Variants in PACRG observed in about 807,000 individuals in gnomAD.
PACRG encodes the protein parkin coregulated, also known as parkin coregulated gene protein.
In PACRG, 29 loss-of-function variants were observed where a neutral mutation model predicts 29.7. That is an observed-to-expected ratio of 0.98 (90% CI 0.73 to 1.33). The LOEUF is 1.33. Among genes scored for constraint, PACRG ranks in the 40% most tolerant of loss-of-function variants. The pLI, the probability that PACRG is intolerant of heterozygous loss-of-function variation, is 0.00. For missense variants in PACRG, 279 were observed against 316.2 expected (o/e 0.88, Z 0.89); for synonymous variants, 116 against 118.7 (o/e 0.98, Z 0.15).
chr6:162,959,986 GC>G (rs1162248823), intron 2 of PACRG, among the ~76,000 whole-genome samples: 1 of 152,118 alleles, frequency 6.6e-6, no homozygotes, highest in Non-Finnish European at 1.5e-5. Flanking sequence ...CATACAAGCA[GC>G]CAACAAACAT....
At chr6:163,228,715 A>G (rs1781907217) in intron 4 of PACRG, among the ~76,000 whole-genome samples, 1 of 152,240 alleles carries the variant, frequency 6.6e-6, no homozygotes, top group African/African-American at 2.4e-5. Flanking sequence ...AGCTGAAAAT[A>G]AAAAGAAACC....
At chr6:163,094,343 A>T (rs541467493) in intron 4 of PACRG, among the ~76,000 whole-genome samples, 5 of 152,198 alleles carry the variant, frequency 3.3e-5, no homozygotes, top group African/African-American at 4.8e-5. Context: ...TAAATGTGTT[A>T]AATTTGAACC....
At chr6:162,821,505 T>G (rs1274962529) in intron 2 of PACRG, among the ~76,000 whole-genome samples, 2 of 152,160 alleles carry the variant, frequency 1.3e-5, no homozygotes, top group Non-Finnish European at 2.9e-5. Context: ...GCTTTTTAAG[T>G]CAGACGACCA....
intron 4 of PACRG, among the ~76,000 whole-genome samples, chr6:163,283,885 C>T (rs1054471737): frequency 7.9e-5 from 12 of 151,814 alleles, no homozygotes; most frequent in East Asian, 1.9e-4. Context: ...AGGCCAAGGC[C>T]GGTAGATCAC....
At chr6:162,867,862 G>T (rs1792434306) in intron 2 of PACRG, among the ~76,000 whole-genome samples, 1 of 151,922 alleles carries the variant, frequency 6.6e-6, no homozygotes, top group Admixed American at 6.6e-5. Context: ...AAAGAACCAG[G>T]CCTGGAGCCA....
intron 1 of PACRG, among the ~76,000 whole-genome samples, chr6:162,803,121 A>C (rs886486375): frequency 4.6e-5 from 7 of 152,194 alleles, no homozygotes; most frequent in African/African-American, 1.7e-4. Flanking sequence ...AATGTGAAGA[A>C]GGATCAAACC....
In PACRG at chr6:162,807,134, G is replaced by A. The variant is rs186188175; in HGVS notation, c.157-7013G>A. The stretch of plus-strand genomic sequence containing the variant: ...CTCAGCCTTCACAGAATTGAAGACA[G>A]TTAGGGCCTTCCTCTGGATTAGGCT... On this transcript the variant is annotated intron_variant, in intron 1 of 4. Coordinates refer to ENST00000366888, the MANE Select transcript of PACRG (RefSeq NM_001080379.2). Among the ~76,000 whole-genome samples, 6 of 152,314 alleles carry A rather than the reference G, an allele frequency of 3.9e-5. No homozygotes were observed. In the East Asian group the frequency reaches 1.2e-3, roughly 29 times the overall value.
chr6:163,091,839 A>G (rs947946001), intron 4 of PACRG, among the ~76,000 whole-genome samples: 2 of 152,254 alleles, frequency 1.3e-5, no homozygotes, highest in Non-Finnish European at 2.9e-5. Flanking sequence ...TATACATCAC[A>G]AAATTATATA....
intron 1 of PACRG, among the ~76,000 whole-genome samples, chr6:162,802,213 G>A (rs983658730): frequency 2.2e-4 from 34 of 151,790 alleles, no homozygotes; most frequent in African/African-American, 7.3e-4. Context: ...ATTTTTCCCC[G>A]CTCGTACTAA....
At chr6:162,766,024 G>T (rs1782763374) in intron 1 of PACRG, among the ~76,000 whole-genome samples, 2 of 152,056 alleles carry the variant, frequency 1.3e-5, no homozygotes, top group Admixed American at 1.3e-4. Flanking sequence ...GATCAAATCA[G>T]GCTCATTAGC....
At chr6:163,148,775 A>G (rs997037886) in intron 4 of PACRG, among the ~76,000 whole-genome samples, 1 of 152,032 alleles carries the variant, frequency 6.6e-6, no homozygotes. Context: ...GACCCTAAGC[A>G]GCTCCCAACA....
chr6:163,118,091 G>C (rs373455495), intron 4 of PACRG, among the ~76,000 whole-genome samples: 2 of 152,174 alleles, frequency 1.3e-5, no homozygotes, highest in South Asian at 2.1e-4. Flanking sequence ...TAGTCTCTGT[G>C]CATTAGGGGA....
At chr6:162,808,506 T>C (rs1473480734) in intron 1 of PACRG, among the ~76,000 whole-genome samples, 1 of 152,188 alleles carries the variant, frequency 6.6e-6, no homozygotes, top group African/African-American at 2.4e-5. Context: ...GATGAAGACT[T>C]CAAGAGCCTT....
At chr6:163,312,338 G>A (rs1030482265) in intron 4 of PACRG, among the ~76,000 whole-genome samples, 3 of 152,156 alleles carry the variant, frequency 2.0e-5, no homozygotes, top group African/African-American at 4.8e-5. Context: ...CCCCTGTCAC[G>A]CAGGGTCCTC....
At chr6:163,303,542 A>C (rs956011884) in intron 4 of PACRG, among the ~76,000 whole-genome samples, 1 of 152,188 alleles carries the variant, frequency 6.6e-6, no homozygotes, top group Non-Finnish European at 1.5e-5. Flanking sequence ...ATCACTCCTG[A>C]GGGCAGCCAT....
At chr6:162,760,467 G>C (rs1782260856) in intron 1 of PACRG, among the ~76,000 whole-genome samples, 1 of 152,144 alleles carries the variant, frequency 6.6e-6, no homozygotes, top group Admixed American at 6.5e-5. Context: ...GTGAGAGAAG[G>C]GGGACAGTGG....
intron 4 of PACRG, among the ~76,000 whole-genome samples, chr6:163,125,742 T>C (rs905726337): frequency 6.6e-6 from 1 of 152,214 alleles, no homozygotes; most frequent in Non-Finnish European, 1.5e-5. Flanking sequence ...AGCATGATGT[T>C]TTTGAAAGAT....
chr6:162,794,875 A>G (rs1202431393), intron 1 of PACRG, among the ~76,000 whole-genome samples: 5 of 152,220 alleles, frequency 3.3e-5, no homozygotes, highest in Non-Finnish European at 7.3e-5. Context: ...AACAATAAGC[A>G]TTACAGATGC....
At chr6:163,028,752 G>T (rs1218195129) in intron 2 of PACRG, among the ~76,000 whole-genome samples, 1 of 152,150 alleles carries the variant, frequency 6.6e-6, no homozygotes, top group Non-Finnish European at 1.5e-5. Context: ...TAATCTCAAT[G>T]ATCTCAATTA....
Sources: gnomAD v4.1 joint callset for allele counts (sites outside exome capture counted in the v4.1 genomes callset) on GRCh38, gnomAD v4.1.1 for gene constraint, MANE v1.5 for transcripts, NCBI Gene and HGNC (gene_info 2026-07-23, HGNC 2026-07-21) for gene names.